NRG1: variants seen among roughly 807,000 people sequenced by gnomAD.
NRG1 encodes pro-neuregulin-1, membrane-bound isoform.
Under a neutral mutation model 63.8 loss-of-function variants are expected in NRG1, and 18 were observed. The observed-to-expected ratio is 0.28, with a 90% CI of 0.19 to 0.42. The LOEUF is 0.42. NRG1 is among the 10% of genes least tolerant of loss of function. The pLI is 1.00. For missense variants in NRG1, 762 were observed against 814.7 expected, an observed-to-expected ratio of 0.94 and a Z score of 0.79; for synonymous variants, 302 against 301.3, an observed-to-expected ratio of 1.00 and a Z score of -0.02.
intron 1 of NRG1, among the ~76,000 whole-genome samples, chr8:32,310,929 T>C (rs551023324): frequency 3.3e-5 from 5 of 152,312 alleles, no homozygotes; most frequent in African/African-American, 1.2e-4. Context: ...AACATCTTGG[T>C]TCACTCAACT....
intron 1 of NRG1, among the ~76,000 whole-genome samples, chr8:32,030,814 C>T (rs1303315033): frequency 2.6e-5 from 4 of 152,242 alleles, no homozygotes; most frequent in Non-Finnish European, 5.9e-5. Flanking sequence ...GGAGACGGGT[C>T]AAACAAAATG....
intron 1 of NRG1, among the ~76,000 whole-genome samples, chr8:32,218,443 G>A (rs1168302208): frequency 6.6e-6 from 1 of 152,198 alleles, no homozygotes; most frequent in African/African-American, 2.4e-5. Context: ...TTCTGGGGCT[G>A]ATCCATTCAT....
At chr8:32,225,390 C>A (rs1415611866) in intron 1 of NRG1, among the ~76,000 whole-genome samples, 1 of 152,096 alleles carries the variant, frequency 6.6e-6, no homozygotes, top group Admixed American at 6.5e-5. Context: ...ATGAAGTGTC[C>A]CCACCACCAG....
intron 1 of NRG1, among the ~76,000 whole-genome samples, chr8:32,260,462 G>C (rs1241678133): frequency 1.3e-5 from 2 of 152,096 alleles, no homozygotes; most frequent in Admixed American, 1.3e-4. Flanking sequence ...AATACCAAAG[G>C]CCTTAGTGCT....
At chr8:31,769,123 C>T (rs1453676807) in intron 1 of NRG1, among the ~76,000 whole-genome samples, 1 of 152,196 alleles carries the variant, frequency 6.6e-6, no homozygotes, top group African/African-American at 2.4e-5. Flanking sequence ...CTATTCCCCC[C>T]AATCATAACA....
At chr8:32,605,302 C>G (rs764226473) in intron 2 of NRG1, among the ~76,000 whole-genome samples, 2 of 152,036 alleles carry the variant, frequency 1.3e-5, no homozygotes, top group Non-Finnish European at 2.9e-5. Flanking sequence ...AAAAGAAAAA[C>G]TACAGAAGAA....
chr8:31,966,536 T>C (rs527630934), intron 1 of NRG1, among the ~76,000 whole-genome samples: 1 of 152,336 alleles, frequency 6.6e-6, no homozygotes, highest in South Asian at 2.1e-4. Context: ...AAATTGCACC[T>C]TTAAATATTT....
At chr8:31,693,276 A>G (rs941116848) in intron 1 of NRG1, among the ~76,000 whole-genome samples, 12 of 152,196 alleles carry the variant, frequency 7.9e-5, no homozygotes, top group African/African-American at 2.7e-4. Flanking sequence ...AAATTCTATA[A>G]TCTTTGGACC....
intron 1 of NRG1, among the ~76,000 whole-genome samples, chr8:31,942,415 A>G (rs1244564182): frequency 6.6e-6 from 1 of 152,202 alleles, no homozygotes; most frequent in Non-Finnish European, 1.5e-5. Flanking sequence ...TAAATCTAAG[A>G]TGTGAAACCA....
chr8:32,714,124 C>A (rs940775420), intron 5 of NRG1, among the ~76,000 whole-genome samples: 1 of 152,102 alleles, frequency 6.6e-6, no homozygotes, highest in Non-Finnish European at 1.5e-5. Context: ...TCCACCCAAC[C>A]GAAAAGAAAT....
chr8:32,475,854 G>A lies in NRG1; in HGVS notation c.38-119974G>A, dbSNP rs367688471. Reference sequence around the variant, plus strand: ...TGATGTTAGGGAAGTTAAGTTATTTGCAATAAAAATTATTAATATTGTAGA... The same window carrying A: ...TGATGTTAGGGAAGTTAAGTTATTTACAATAAAAATTATTAATATTGTAGA... On this transcript the variant is annotated intron_variant, in intron 1 of 10. Transcript: ENST00000519301. Among the ~76,000 whole-genome samples, 154 of 152,290 alleles carry A rather than the reference G, an allele frequency of 1.0e-3. 1 individual carries two copies. Among genetic ancestry groups the A allele is most frequent in the South Asian group, 4.1e-3 (20 of 4,826 alleles).
chr8:32,174,027 C>G (rs1453330713), intron 1 of NRG1, among the ~76,000 whole-genome samples: 1 of 152,212 alleles, frequency 6.6e-6, no homozygotes, highest in Admixed American at 6.5e-5. Context: ...CCCAAATCAA[C>G]AGAATATACA....
chr8:32,316,472 C>CAAAAAAA (rs60206972), intron 1 of NRG1, among the ~76,000 whole-genome samples: 1 of 125,266 alleles, frequency 8.0e-6, no homozygotes, highest in Non-Finnish European at 1.7e-5. Context: ...GAGACTCCAT[C>CAAAAAAA]AAAAAAAAAA....
chr8:32,653,367 C>G (rs1199890572), intron 5 of NRG1, among the ~76,000 whole-genome samples: 1 of 152,144 alleles, frequency 6.6e-6, no homozygotes, highest in Non-Finnish European at 1.5e-5. Flanking sequence ...TCTTTACTGT[C>G]ATGTTATTCA....
chr8:31,927,170 T>A (rs1834424786), intron 1 of NRG1, among the ~76,000 whole-genome samples: 1 of 151,944 alleles, frequency 6.6e-6, no homozygotes. Context: ...GTTAGGGGAG[T>A]CATGTAGCTT....
At chr8:32,215,899 A>G (rs745767402) in intron 1 of NRG1, among the ~76,000 whole-genome samples, 2 of 151,876 alleles carry the variant, frequency 1.3e-5, no homozygotes, top group Non-Finnish European at 2.9e-5. Flanking sequence ...AAAACTAGCC[A>G]GGCTGGTGGT....
At chr8:32,444,593 AT>A (rs2129487666) in intron 1 of NRG1, among the ~76,000 whole-genome samples, 1 of 152,304 alleles carries the variant, frequency 6.6e-6, no homozygotes, top group Non-Finnish European at 1.5e-5. Context: ...TTGTTAGTGG[AT>A]TGTGATAGGA....
chr8:32,510,326 C>T (rs1229296943), intron 1 of NRG1, among the ~76,000 whole-genome samples: 1 of 151,358 alleles, frequency 6.6e-6, no homozygotes, highest in Non-Finnish European at 1.5e-5. Flanking sequence ...TGTGCTGCTG[C>T]ACTCTAGCAT....
intron 1 of NRG1, among the ~76,000 whole-genome samples, chr8:31,878,919 G>T (rs1830131687): frequency 6.6e-6 from 1 of 152,084 alleles, no homozygotes; most frequent in Non-Finnish European, 1.5e-5. Context: ...CATGAAAGTG[G>T]CATCCTGTTG....
Sources: allele counts gnomAD v4.1 joint callset (sites outside exome capture counted in the v4.1 genomes callset), GRCh38; gene constraint gnomAD v4.1.1; transcripts MANE v1.5; gene names NCBI Gene and HGNC (gene_info 2026-07-23, HGNC 2026-07-21).